UBR4: variants seen among roughly 807,000 people sequenced by gnomAD.
UBR4 encodes ubiquitin protein ligase E3 component n-recognin 4.
UBR4 carries 124 observed loss-of-function variants against 575.6 expected under a neutral mutation model. That is an observed-to-expected ratio of 0.22 (90% CI 0.19 to 0.25). The LOEUF (loss-of-function observed/expected upper bound fraction) is 0.25. Among genes scored for constraint, UBR4 ranks in the 10% least tolerant of loss-of-function variants. The probability of loss-of-function intolerance (pLI) is 1.00; values close to 1 mark genes in which losing one functional copy is unlikely to be tolerated. For missense variants in UBR4, 4,818 were observed against 6,478.8 expected, an observed-to-expected ratio of 0.74 and a Z score of 8.80; for synonymous variants, 2,455 against 2,473.7, an observed-to-expected ratio of 0.99 and a Z score of 0.22.
intron 38 of UBR4, 119 bp downstream of exon 38, chr1:19,160,798 T>C (rs2087217186): frequency 2.0e-6 from 2 of 981,702 alleles, no homozygotes; most frequent in African/African-American, 1.6e-5. Flanking sequence ...ATTCACACTA[T>C]GAAAATGGGT....
chr1:19,154,849 T>C (rs1189782831), intron 44 of UBR4, 69 bp downstream of exon 44: 9 of 1,588,082 alleles, frequency 5.7e-6, no homozygotes, highest in Admixed American at 5.0e-5. Flanking sequence ...AGATAGCAGA[T>C]AGTGGGAGTG....
At chr1:19,189,071 T>C (rs923490247) in intron 11 of UBR4, among the ~76,000 whole-genome samples, 3 of 152,024 alleles carry the variant, frequency 2.0e-5, no homozygotes, top group Non-Finnish European at 1.5e-5. Flanking sequence ...AAATGACCAA[T>C]AAATAGGTGA....
At chr1:19,167,333 G>A in intron 28 of UBR4, 102 bp from the exon 29 acceptor site, 2 of 1,268,096 alleles carry the variant, frequency 1.6e-6, no homozygotes, top group Non-Finnish European at 1.1e-6. Context: ...AGAGGGGAAG[G>A]GGAATTGCGC....
chr1:19,165,134 A>G, intron 31 of UBR4, 115 bp downstream of exon 31: 1 of 1,477,922 alleles, frequency 6.8e-7, no homozygotes. Context: ...TCTCTGAGGG[A>G]TTCTCTCCAC....
chr1:19,192,056 T>C lies in UBR4; in HGVS notation c.1394+132A>G. 2.3e-6 allele frequency: 2 copies of C among 853,552 alleles called. No homozygotes were observed. The highest frequency in any genetic ancestry group is 3.6e-6 in the Non-Finnish European group (2 of 558,872). The allele number at this position is 853,552 out of a possible 1,614,324, so 52.9% of individuals were successfully genotyped here. ...TGGAGATAACAGGTCATGATCATTATCTTAGTTGCTAAATTCAAGCCAGGT... is the reference window on the plus strand; with the variant it reads ...TGGAGATAACAGGTCATGATCATTACCTTAGTTGCTAAATTCAAGCCAGGT... On this transcript the variant is annotated intron_variant, in intron 11 of 105. Coordinates refer to ENST00000375254, the MANE Select transcript of UBR4 (RefSeq NM_020765.3).
At chr1:19,155,728 T>G in intron 42 of UBR4, 60 bp from the exon 43 acceptor site, 1 of 1,426,758 alleles carries the variant, frequency 7.0e-7, no homozygotes, top group South Asian at 1.2e-5. Context: ...CCCCCAAATA[T>G]CTTAGTGAAT....
intron 8 of UBR4, among the ~76,000 whole-genome samples, chr1:19,195,486 C>G (rs2151538641): frequency 6.6e-6 from 1 of 152,184 alleles, no homozygotes; most frequent in South Asian, 2.1e-4. Flanking sequence ...CTAGTCCTTA[C>G]TGACTTTAAT....
chr1:19,174,920 C>A (rs762132752), intron 21 of UBR4, 34 bp downstream of exon 21: 1 of 1,588,750 alleles, frequency 6.3e-7, no homozygotes, highest in Non-Finnish European at 8.6e-7. Flanking sequence ...CCATCTGACC[C>A]ACATATAAAA....
chr1:19,159,575 A>C, intron 39 of UBR4, among the ~76,000 whole-genome samples: 1 of 151,956 alleles, frequency 6.6e-6, no homozygotes, highest in East Asian at 1.9e-4. Flanking sequence ...CATTGGCCAA[A>C]ATGACCCTGG....
At position 19,156,526 on chromosome 1, in the gene UBR4, C is replaced by T. The variant is rs186511522; in HGVS notation, c.5920-103G>A. ...CCCTTTTTTCCTCTAATATCCCCTG[C>T]CTTCAGACAGTATTTAGACTGTCTA... On this transcript the variant is annotated intron_variant, in intron 41 of 105. Transcript: ENST00000375254. The T allele has an allele frequency of 2.1e-6, 3 of 1,419,646 alleles. No homozygotes were observed. The Admixed American group carries it at 6.9e-5, about 33-fold the overall frequency. The allele number at this position is 1,419,646 out of a possible 1,614,324, so 87.9% of individuals were successfully genotyped here. A position where few individuals can be genotyped will look rare whatever the true frequency, so the allele number is the denominator to read the frequency against.
intron 103 of UBR4, chr1:19,080,031 A>G (rs1479591244): frequency 1.3e-5 from 2 of 152,208 alleles, no homozygotes; most frequent in Admixed American, 1.3e-4. Context: ...TGAGAGCAAA[A>G]CAGCTCCTGT....
chr1:19,078,333 C>T (rs1254546649), intron 103 of UBR4: 2 of 363,154 alleles, frequency 5.5e-6, no homozygotes, highest in South Asian at 6.7e-5. Flanking sequence ...AAAATGGAAC[C>T]GGGGGAGACA....
Position 19,170,861 on chromosome 1 carries a change from T to G in UBR4, c.3544A>C (p.Asn1182His). 6.2e-7 allele frequency: 1 copy of G among 1,614,168 alleles called. No homozygotes were observed. The highest frequency in any genetic ancestry group is 1.1e-5 in the South Asian group (1 of 91,080). Residue 1182 changes from asparagine (N) to histidine (H), a missense_variant, in exon 26 of 106, where the codon AAT (asparagine) becomes CAT (histidine). Asn to His is a moderately conservative substitution (Grantham distance 68). Around this residue, in one of 29 missense-constraint regions of UBR4, gnomAD observed 1,172 missense variants for 1,259.7 expected, o/e 0.93. Transcript: ENST00000375254. Reference protein sequence around the residue: ...FTRAYLLQNFNEEGTTEKPSK... With the variant: ...FTRAYLLQNFHEEGTTEKPSK... ...GGTTTCTCAGTTGTTCCCTCTTCAT[T>G]AAAGTTTTGCAGCAAATAGGCTCTG...
chr1:19,168,082 C>T lies in UBR4; in HGVS notation c.3844G>A (p.Ala1282Thr). The change falls in exon 28 of 106, where the codon GCT becomes ACT. Residue 1282 changes from alanine to threonine, a missense_variant. Coordinates refer to ENST00000375254, the MANE Select transcript of UBR4 (RefSeq NM_020765.3). ...TLCSQSLPLAASLKHTLLSLV... is the reference protein window; with the variant it reads ...TLCSQSLPLATSLKHTLLSLV... ...GAGAGGAGGGTATGCTTCAGGGAAG[C>T]AGCCAGGGGCAGACTTTGGCTACAG... 3 of 1,613,820 alleles carry T rather than the reference C, an allele frequency of 1.9e-6. No individual in the cohort carries two copies. Among genetic ancestry groups the T allele is most frequent in the Non-Finnish European group, 2.5e-6 (3 of 1,179,754 alleles).
intron 17 of UBR4, 112 bp from the exon 18 acceptor site, chr1:19,179,332 A>T (rs768296216): frequency 1.5e-5 from 17 of 1,158,848 alleles, no homozygotes; most frequent in Non-Finnish European, 1.9e-5. Flanking sequence ...AATATTTTAA[A>T]GAAAGAAGGA....
chr1:19,102,811 T>C (rs1297537504), intron 87 of UBR4, among the ~76,000 whole-genome samples: 2 of 152,152 alleles, frequency 1.3e-5, no homozygotes, highest in Non-Finnish European at 2.9e-5. Context: ...CCCAAAGAGC[T>C]ACACCCTTGG....
At chr1:19,138,396 C>T (rs1246575974) in intron 59 of UBR4, among the ~76,000 whole-genome samples, 1 of 152,146 alleles carries the variant, frequency 6.6e-6, no homozygotes, top group Non-Finnish European at 1.5e-5. Flanking sequence ...GTATGTAAGA[C>T]CCACCTATAT....
At position 19,161,140 on chromosome 1, in the gene UBR4, A is replaced by C. The variant is rs1204438730; in HGVS notation, c.5183T>G (p.Val1728Gly). 1 of 1,613,752 alleles carries C rather than the reference A, an allele frequency of 6.2e-7. No individual in the cohort carries two copies. Among genetic ancestry groups the C allele is most frequent in the East Asian group, 2.2e-5 (1 of 44,860 alleles). ...AKEDGSCLAL[V>G]KRTPSSGMSS... ...CATGCCACTGCTAGGAGTTCTCTTC[A>C]CCAGAGCCTAGGGACAGAAAATGTC... is the stretch of plus-strand genomic sequence containing the variant. Residue 1728 changes from valine to glycine, a missense_variant, in exon 38 of 106, where the codon GTG becomes GGG. By Grantham distance (109) the Val-to-Gly change is moderately radical. Coordinates refer to ENST00000375254, the MANE Select transcript of UBR4 (RefSeq NM_020765.3).
intron 11 of UBR4, among the ~76,000 whole-genome samples, chr1:19,189,738 ACTG>A (rs765275851): frequency 5.3e-5 from 8 of 152,190 alleles, no homozygotes; most frequent in Non-Finnish European, 1.0e-4. Context: ...TAAAAGCATA[ACTG>A]CTACTTCTAA....
Sources: gnomAD v4.1 joint callset for allele counts (sites outside exome capture counted in the v4.1 genomes callset) on GRCh38, gnomAD v4.1.1 for gene constraint, gnomAD v4.1.1 regional missense constraint, MANE v1.5 for transcripts, NCBI Gene and HGNC (gene_info 2026-07-23, HGNC 2026-07-21) for gene names.